NF2: variants seen among roughly 807,000 people sequenced by gnomAD.
The protein encoded by NF2 is merlin.
A neutral mutation model predicts 83.7 loss-of-function variants in NF2; 8 were observed. The ratio of observed to expected loss-of-function variants is 0.10; its 90% CI spans 0.06 to 0.17. The LOEUF is 0.17. Among genes scored for constraint, NF2 ranks in the 10% least tolerant of loss-of-function variants. NF2 has a pLI of 1.00. For synonymous variants in NF2, 266 were observed against 269.6 expected (o/e 0.99, Z 0.13); for missense variants, 533 against 744.4 (o/e 0.72, Z 3.31).
At chr22:29,658,843 G>C (rs1327939217) in intron 7 of NF2, among the ~76,000 whole-genome samples, 30 of 152,086 alleles carry the variant, frequency 2.0e-4, no homozygotes, top group Admixed American at 2.0e-3. Flanking sequence ...TCAGTATCTG[G>C]ATGCAGTGTA....
chr22:29,695,007 G>A lies in NF2; in HGVS notation c.*205G>A, dbSNP rs1035299560. Reference sequence around the variant, plus strand: ...ACCCTGTAGAGATTTCTCTCATGGCGTTCTAGTTCTCTGACCTGAGTCTTT... The same window carrying A: ...ACCCTGTAGAGATTTCTCTCATGGCATTCTAGTTCTCTGACCTGAGTCTTT... On this transcript the variant is annotated 3_prime_UTR_variant, in exon 16 of 16. Transcript: ENST00000338641. The surrounding 1 kb of genome is among the most constrained non-coding windows in gnomAD (Gnocchi z 5.4). 3.6e-5 allele frequency: 23 copies of A among 633,948 alleles called. No homozygotes were observed. The highest frequency in any genetic ancestry group is 5.4e-5 in the Non-Finnish European group (19 of 354,432). The allele number at this position is 633,948 out of a possible 1,614,324, so 39.3% of individuals were successfully genotyped here.
intron 15 of NF2, among the ~76,000 whole-genome samples, chr22:29,685,075 C>G (rs149913009): frequency 1.3e-5 from 2 of 151,536 alleles, no homozygotes; most frequent in Non-Finnish European, 2.9e-5. Flanking sequence ...TTTCCAATGT[C>G]CAAAAGCTTG....
chr22:29,682,159 G>A (rs1177469687), intron 15 of NF2, among the ~76,000 whole-genome samples: 1 of 151,930 alleles, frequency 6.6e-6, no homozygotes, highest in East Asian at 1.9e-4. Context: ...CAGCATTGTC[G>A]AGATTCAGAA....
chr22:29,694,357 G>A lies in NF2; in HGVS notation c.1738-395G>A, dbSNP rs997882249. On this transcript the variant is annotated intron_variant, in intron 15 of 15. Transcript: ENST00000338641. The surrounding 1 kb of genome is among the most constrained non-coding windows in gnomAD (Gnocchi z 4.1). ...CTAAGATGCTTGCCCTGCCAAGCCC[G>A]GAGGGGATGAGCAGCCTCAGCTGGT... Among the ~76,000 whole-genome samples, 2 of 152,216 alleles carry A rather than the reference G, an allele frequency of 1.3e-5. No individual in the cohort carries two copies. Among genetic ancestry groups the A allele is most frequent in the Non-Finnish European group, 2.9e-5 (2 of 68,046 alleles).
rs545686025 is a variant in NF2 at position 29,623,435 on chromosome 22, T to C, written c.115-13316T>C. On this transcript the variant is annotated intron_variant, in intron 1 of 15. Transcript: ENST00000338641. ...GGGGTAGGGAGAGAGAGGTTGGAAG[T>C]AGGAAACAATTAGAAGGCAAACGCT... Among the ~76,000 whole-genome samples the C allele has an allele frequency of 2.6e-5, 4 of 152,204 alleles. No homozygotes were observed. The East Asian group carries it at 7.7e-4, about 29-fold the overall frequency.
intron 3 of NF2, among the ~76,000 whole-genome samples, chr22:29,640,322 C>T (rs544513719): frequency 6.6e-6 from 1 of 151,846 alleles, no homozygotes; most frequent in Non-Finnish European, 1.5e-5. Context: ...CTATTTCTTC[C>T]TTAATTCCTC....
intron 1 of NF2, among the ~76,000 whole-genome samples, chr22:29,623,631 C>CCGA (rs1569272069): frequency 6.6e-6 from 1 of 152,096 alleles, no homozygotes; most frequent in Non-Finnish European, 1.5e-5. Flanking sequence ...AGGTCCAAAG[C>CCGA]CAGTCCTCAG....
chr22:29,668,695 G>A (rs1428306613), intron 10 of NF2, among the ~76,000 whole-genome samples: 1 of 152,250 alleles, frequency 6.6e-6, no homozygotes, highest in Non-Finnish European at 1.5e-5. Context: ...GAAATTAAGT[G>A]TGATTAACAC....
At chr22:29,631,090 T>G (rs947633801) in intron 1 of NF2, among the ~76,000 whole-genome samples, 6 of 151,848 alleles carry the variant, frequency 4.0e-5, no homozygotes, top group Non-Finnish European at 8.8e-5. Context: ...GCGTGGAGAG[T>G]CAGAATTGTC....
intron 15 of NF2, among the ~76,000 whole-genome samples, chr22:29,681,945 A>G (rs574471393): frequency 6.6e-6 from 1 of 152,302 alleles, no homozygotes; most frequent in African/African-American, 2.4e-5. Flanking sequence ...AGAAAGCAGA[A>G]TGAAATGGAG....
At chr22:29,641,842 A>T (rs2065818722) in intron 3 of NF2, among the ~76,000 whole-genome samples, 1 of 152,148 alleles carries the variant, frequency 6.6e-6, no homozygotes, top group Non-Finnish European at 1.5e-5. Context: ...GGGGCCATGC[A>T]TATTCAAAGG....
In NF2 at chr22:29,674,828, C is replaced by T. The variant is rs2147091757; in HGVS notation, c.1341-8C>T. 1 of 1,553,382 alleles carries T rather than the reference C, an allele frequency of 6.4e-7. No homozygotes were observed. Among genetic ancestry groups the T allele is most frequent in the Non-Finnish European group, 8.7e-7 (1 of 1,147,686 alleles). On this transcript the variant is annotated splice_polypyrimidine_tract_variant and splice_region_variant and intron_variant, in intron 12 of 15. Coordinates refer to ENST00000338641, the MANE Select transcript of NF2 (RefSeq NM_000268.4). ...CTGTGAAGCTGACATCTCATCCTTT[C>T]CTTGCAGGGCCAAAGAGGCAGATCA...
chr22:29,672,309 C>CTTTTT (rs779561094), intron 11 of NF2, among the ~76,000 whole-genome samples: 1 of 123,608 alleles, frequency 8.1e-6, no homozygotes, highest in Non-Finnish European at 1.7e-5. Flanking sequence ...CCACATGTCT[C>CTTTTT]TTTTTTTTTT....
chr22:29,677,456 A>T (rs1327443964), intron 13 of NF2, among the ~76,000 whole-genome samples: 1 of 150,182 alleles, frequency 6.7e-6, no homozygotes, highest in East Asian at 2.0e-4. Context: ...GGGAAGCTAG[A>T]TTGGGGTCCT....
intron 10 of NF2, among the ~76,000 whole-genome samples, chr22:29,668,737 C>T (rs924111433): frequency 1.3e-5 from 2 of 152,224 alleles, no homozygotes; most frequent in African/African-American, 2.4e-5. Flanking sequence ...AGAGTGCATG[C>T]ATCTATCCGT....
chr22:29,632,487 G>A (rs2065541316), intron 1 of NF2, among the ~76,000 whole-genome samples: 1 of 152,196 alleles, frequency 6.6e-6, no homozygotes, highest in African/African-American at 2.4e-5. Flanking sequence ...CCCACTCCTG[G>A]GGTTTTTATG....
intron 1 of NF2, among the ~76,000 whole-genome samples, chr22:29,612,349 C>T (rs2064973951): frequency 1.3e-5 from 2 of 150,110 alleles, no homozygotes; most frequent in African/African-American, 2.4e-5. Flanking sequence ...TTTTTTTTCT[C>T]GGACTTGCAC....
chr22:29,639,215 A>G lies in NF2; in HGVS notation c.363+3A>G. 1 of 1,614,140 alleles carries G rather than the reference A, an allele frequency of 6.2e-7. No homozygotes were observed. The highest frequency in any genetic ancestry group is 8.5e-7 in the Non-Finnish European group (1 of 1,180,022). ...CACAACATTTATTCTTCTTACAGGT[A>G]CATCAGTCAAGGCTACCCCCCAGTT... On this transcript the variant is annotated splice_donor_region_variant and intron_variant, in intron 3 of 15. Transcript: ENST00000338641.
At chr22:29,675,475 G>C (rs1311360157) in intron 13 of NF2, among the ~76,000 whole-genome samples, 1 of 141,300 alleles carries the variant, frequency 7.1e-6, no homozygotes, top group African/African-American at 2.6e-5. Flanking sequence ...ATTCAGTTTG[G>C]CATTTTTTTT....
Sources: allele counts gnomAD v4.1 joint callset (sites outside exome capture counted in the v4.1 genomes callset), GRCh38; gene constraint gnomAD v4.1.1; non-coding constraint Gnocchi (gnomAD v3.1); transcripts MANE v1.5; gene names NCBI Gene and HGNC (gene_info 2026-07-23, HGNC 2026-07-21).